Variants in PREX2 observed in about 807,000 individuals in gnomAD.
The protein encoded by PREX2 is phosphatidylinositol-3,4,5-trisphosphate dependent Rac exchange factor 2, also known as phosphatidylinositol 3,4,5-trisphosphate-dependent Rac exchanger 2 protein.
PREX2 carries 107 observed loss-of-function variants against 203.2 expected under a neutral mutation model. That is an observed-to-expected ratio of 0.53 (90% CI 0.45 to 0.62). The LOEUF (loss-of-function observed/expected upper bound fraction) is 0.62, where lower values mean the gene tolerates loss of function less well. PREX2 is among the 20% of genes least tolerant of loss of function. PREX2 has a pLI of 0.00. For synonymous variants in PREX2, 672 were observed against 663.6 expected (o/e 1.01, Z -0.19); for missense variants, 1,777 against 1,955.9 (o/e 0.91, Z 1.72).
At chr8:68,167,508 T>C (rs957627018) in intron 35 of PREX2, among the ~76,000 whole-genome samples, 1 of 152,004 alleles carries the variant, frequency 6.6e-6, no homozygotes, top group African/African-American at 2.4e-5. Context: ...ATTTTTGTAT[T>C]TTTTGGTAGA....
intron 13 of PREX2, among the ~76,000 whole-genome samples, chr8:68,072,154 C>T (rs112185814): frequency 0.016 from 2,421 of 152,142 alleles, 69 homozygotes; most frequent in African/African-American, 0.055. Context: ...TCGCAGTTTC[C>T]AAGAACCTAT....
At chr8:68,135,730 T>C (rs1020909886) in intron 32 of PREX2, among the ~76,000 whole-genome samples, 3 of 152,106 alleles carry the variant, frequency 2.0e-5, no homozygotes, top group African/African-American at 7.2e-5. Context: ...CTAGATAATA[T>C]CTAAAATAAA....
chr8:68,110,247 G>C (rs567584468), intron 25 of PREX2, among the ~76,000 whole-genome samples: 1 of 152,302 alleles, frequency 6.6e-6, no homozygotes, highest in Non-Finnish European at 1.5e-5. Context: ...AGAATTGCCT[G>C]AGCTTGGTAG....
intron 7 of PREX2, among the ~76,000 whole-genome samples, chr8:68,041,111 G>C (rs1808183711): frequency 6.6e-6 from 1 of 152,082 alleles, no homozygotes; most frequent in South Asian, 2.1e-4. Context: ...GGACACATTT[G>C]TTTTAGTGAA....
Position 68,224,572 on chromosome 8 carries a change from A to G in PREX2, c.4721A>G (p.Gln1574Arg). ...DVMRKQGARV[Q>R]NTAKNLGVRD... ...CCTGACTTTCAGGGAGCAAGAGTTC[A>G]GAACACAGCGAAGAATTTGGGAGTC... The change falls in exon 39 of 40, where the codon CAG becomes CGG. Residue 1574 changes from glutamine (Q) to arginine (R), a missense_variant. Transcript: ENST00000288368. 1 of 1,613,874 alleles carries G rather than the reference A, an allele frequency of 6.2e-7. No individual in the cohort carries two copies. Among genetic ancestry groups the G allele is most frequent in the Non-Finnish European group, 8.5e-7 (1 of 1,179,814 alleles).
chr8:67,999,404 C>G (rs547574616), intron 1 of PREX2, among the ~76,000 whole-genome samples: 1 of 134,672 alleles, frequency 7.4e-6, no homozygotes, highest in African/African-American at 2.8e-5. Context: ...AAGACTGAAC[C>G]ATGAAGAAAT....
chr8:68,183,593 C>T (rs1203267252), intron 35 of PREX2, among the ~76,000 whole-genome samples: 5 of 151,850 alleles, frequency 3.3e-5, no homozygotes, highest in Admixed American at 6.6e-5. Flanking sequence ...ATGTACATAT[C>T]GCAGGAGCAG....
At chr8:68,130,901 A>G (rs994547459) in intron 31 of PREX2, among the ~76,000 whole-genome samples, 5 of 152,198 alleles carry the variant, frequency 3.3e-5, no homozygotes, top group African/African-American at 1.2e-4. Flanking sequence ...AGGGGAGATA[A>G]TCTTTCAATG....
At chr8:68,029,575 C>A (rs1447701563) in intron 5 of PREX2, among the ~76,000 whole-genome samples, 1 of 152,122 alleles carries the variant, frequency 6.6e-6, no homozygotes, top group African/African-American at 2.4e-5. Flanking sequence ...ATAACAACTG[C>A]ATATTTTCCC....
intron 23 of PREX2, among the ~76,000 whole-genome samples, chr8:68,103,403 A>G (rs1204066609): frequency 1.3e-5 from 2 of 152,356 alleles, no homozygotes; most frequent in Middle Eastern, 3.4e-3. Flanking sequence ...ATGTGCTGCT[A>G]TAGTCAATAA....
At chr8:68,068,050 C>A (rs1447512922) in intron 11 of PREX2, among the ~76,000 whole-genome samples, 1 of 151,982 alleles carries the variant, frequency 6.6e-6, no homozygotes, top group Non-Finnish European at 1.5e-5. Flanking sequence ...CCTTAGTTCT[C>A]AAGGATAAAT....
At chr8:68,079,160 AAATTTAAAATAGT>A (rs1809438989) in intron 15 of PREX2, among the ~76,000 whole-genome samples, 1 of 152,186 alleles carries the variant, frequency 6.6e-6, no homozygotes, top group African/African-American at 2.4e-5. Flanking sequence ...GTCTCTACAG[AAATTTAAAATAGT>A]AACAATAAAA....
intron 34 of PREX2, among the ~76,000 whole-genome samples, chr8:68,156,165 A>G (rs1811540110): frequency 6.6e-6 from 1 of 152,140 alleles, no homozygotes; most frequent in South Asian, 2.1e-4. Context: ...GGCTCAAGTT[A>G]TCTTCCCACT....
At chr8:68,185,681 A>G (rs1812174788) in intron 35 of PREX2, among the ~76,000 whole-genome samples, 1 of 149,734 alleles carries the variant, frequency 6.7e-6, no homozygotes, top group East Asian at 1.9e-4. Flanking sequence ...TATAACTTAC[A>G]TTTTACCACC....
At chr8:68,083,195 T>G (rs772100696) in intron 17 of PREX2, 45 bp from the exon 18 acceptor site, 1 of 1,441,018 alleles carries the variant, frequency 6.9e-7, no homozygotes, top group Non-Finnish European at 9.4e-7. Flanking sequence ...TCAAAATTTC[T>G]TATTAAAATA....
At position 68,080,605 on chromosome 8, in the gene PREX2, ATATAAGTTTTCT is replaced by A. The variant is rs755257305; in HGVS notation, c.1785+22_1785+33del. 6.4e-7 allele frequency: 1 copy of A among 1,568,390 alleles called. No individual in the cohort carries two copies. Among genetic ancestry groups the A allele is most frequent in the South Asian group, 1.2e-5 (1 of 86,232 alleles). On this transcript the variant is annotated intron_variant, in intron 16 of 39. Transcript: ENST00000288368. The stretch of plus-strand genomic sequence containing the variant: ...TTATTGGTAAGTTTATTGATATGTT[ATATAAGTTTTCT>A]TCTTGATTAGACACTAGCAGAAGAC...
At chr8:68,080,390 T>G (rs1451478827) in intron 15 of PREX2, 53 bp from the exon 16 acceptor site, 1 of 1,542,460 alleles carries the variant, frequency 6.5e-7, no homozygotes, top group East Asian at 2.3e-5. Flanking sequence ...CTATTGAAAA[T>G]GAGTGCGATT....
At chr8:67,958,929 T>C (rs1805559651) in intron 1 of PREX2, among the ~76,000 whole-genome samples, 1 of 152,188 alleles carries the variant, frequency 6.6e-6, no homozygotes, top group African/African-American at 2.4e-5. Context: ...AATACTACTA[T>C]GATTTTTGAA....
At chr8:68,018,763 A>G (rs182360418) in intron 2 of PREX2, among the ~76,000 whole-genome samples, 4 of 152,368 alleles carry the variant, frequency 2.6e-5, no homozygotes, top group Non-Finnish European at 5.9e-5. Flanking sequence ...TAATTATACT[A>G]TAATGATTAG....
Sources: allele counts gnomAD v4.1 joint callset (sites outside exome capture counted in the v4.1 genomes callset), GRCh38; gene constraint gnomAD v4.1.1; transcripts MANE v1.5; gene names NCBI Gene and HGNC (gene_info 2026-07-23, HGNC 2026-07-21).